GNA14: variants seen among roughly 807,000 people sequenced by gnomAD.
GNA14 encodes G protein subunit alpha 14.
Under a neutral mutation model 42.0 loss-of-function variants are expected in GNA14, and 50 were observed. That is an observed-to-expected ratio of 1.19 (90% confidence interval 0.95 to 1.51). The LOEUF (loss-of-function observed/expected upper bound fraction) is 1.51. Ranked by LOEUF, GNA14 falls within the 40% of genes most tolerant of loss-of-function variation. GNA14 has a pLI of 0.00. For missense variants in GNA14, 473 were observed against 446.2 expected, an observed-to-expected ratio of 1.06 and a Z score of -0.54; for synonymous variants, 173 against 163.1, an observed-to-expected ratio of 1.06 and a Z score of -0.46.
intron 1 of GNA14, among the ~76,000 whole-genome samples, chr9:77,597,620 A>C (rs1031263748): frequency 2.6e-5 from 4 of 151,606 alleles, no homozygotes; most frequent in Non-Finnish European, 4.4e-5. Context: ...GTGCAAAAGT[A>C]ATTGCGGTTT....
chr9:77,633,525 A>G (rs894451314), intron 1 of GNA14, among the ~76,000 whole-genome samples: 1 of 152,212 alleles, frequency 6.6e-6, no homozygotes, highest in Non-Finnish European at 1.5e-5. Flanking sequence ...TCTAAGCAGA[A>G]AAACAACAAT....
intron 1 of GNA14, among the ~76,000 whole-genome samples, chr9:77,594,338 A>T (rs1029051866): frequency 1.3e-5 from 2 of 152,222 alleles, no homozygotes; most frequent in Admixed American, 6.5e-5. Flanking sequence ...CAGGGCAGAC[A>T]CTTCAAAAGC....
intron 3 of GNA14, among the ~76,000 whole-genome samples, chr9:77,432,318 C>T (rs1835569732): frequency 6.6e-6 from 1 of 152,174 alleles, no homozygotes; most frequent in Non-Finnish European, 1.5e-5. Flanking sequence ...CACCGTATGC[C>T]TTCAGCTCCA....
intron 1 of GNA14, among the ~76,000 whole-genome samples, chr9:77,529,463 A>C (rs867432988): frequency 2.0e-5 from 3 of 152,146 alleles, no homozygotes; most frequent in Non-Finnish European, 4.4e-5. Flanking sequence ...AGTCCAGGGA[A>C]ATGCTTCCCC....
At chr9:77,482,827 T>C (rs1836581157) in intron 2 of GNA14, among the ~76,000 whole-genome samples, 3 of 151,876 alleles carry the variant, frequency 2.0e-5, no homozygotes. Context: ...ACTGATACCC[T>C]TTTTTCCAAT....
At chr9:77,551,898 G>A (rs1319500642) in intron 1 of GNA14, among the ~76,000 whole-genome samples, 1 of 151,924 alleles carries the variant, frequency 6.6e-6, no homozygotes, top group African/African-American at 2.4e-5. Flanking sequence ...CCAGTACTTT[G>A]GGAGGCCGAG....
At chr9:77,538,459 G>T (rs1473791472) in intron 1 of GNA14, among the ~76,000 whole-genome samples, 1 of 151,752 alleles carries the variant, frequency 6.6e-6, no homozygotes, top group Non-Finnish European at 1.5e-5. Context: ...TTTTTCTCAT[G>T]CCGTGAAATA....
chr9:77,498,886 C>CT (rs1214500133), intron 2 of GNA14, among the ~76,000 whole-genome samples: 1 of 152,166 alleles, frequency 6.6e-6, no homozygotes, highest in Non-Finnish European at 1.5e-5. Context: ...CTCTGTACTC[C>CT]TTCACCTTTC....
At chr9:77,446,639 G>A (rs1283289178) in intron 2 of GNA14, among the ~76,000 whole-genome samples, 1 of 152,122 alleles carries the variant, frequency 6.6e-6, no homozygotes, top group African/African-American at 2.4e-5. Flanking sequence ...AGAAGGGGTG[G>A]GGGGAGATGC....
intron 1 of GNA14, among the ~76,000 whole-genome samples, chr9:77,542,693 TC>T (rs1248032689): frequency 6.6e-6 from 1 of 152,188 alleles, no homozygotes. Context: ...GGAGTGCCAG[TC>T]CCCTGGCCTT....
intron 1 of GNA14, among the ~76,000 whole-genome samples, chr9:77,556,426 G>A (rs1358248250): frequency 6.6e-6 from 1 of 152,108 alleles, no homozygotes; most frequent in Non-Finnish European, 1.5e-5. Context: ...ATCCATTCCT[G>A]ACCACTGAAC....
At chr9:77,506,538 T>G (rs1170121544) in intron 2 of GNA14, among the ~76,000 whole-genome samples, 2 of 151,636 alleles carry the variant, frequency 1.3e-5, no homozygotes, top group Admixed American at 6.6e-5. Context: ...TTAGCTGGGC[T>G]TGGTGGCACA....
chr9:77,518,842 A>G (rs764598892), intron 2 of GNA14, among the ~76,000 whole-genome samples: 21 of 152,210 alleles, frequency 1.4e-4, no homozygotes, highest in Non-Finnish European at 2.6e-4. Flanking sequence ...TACAGATGCC[A>G]TTTTTTTAAA....
At chr9:77,631,371 G>C (rs1824097599) in intron 1 of GNA14, among the ~76,000 whole-genome samples, 1 of 151,662 alleles carries the variant, frequency 6.6e-6, no homozygotes, top group Non-Finnish European at 1.5e-5. Context: ...TATTTAGCTG[G>C]GTATCCATGT....
chr9:77,432,470 G>A lies in GNA14; in HGVS notation c.465-1021C>T, dbSNP rs1835572411. ...TGCTCCACCAGACTGTATATTCCCT[G>A]AGAGCAGAGAGCACTGGTTGTATAA... On this transcript the variant is annotated intron_variant, in intron 3 of 6. Transcript: ENST00000341700. 2.6e-5 allele frequency among the ~76,000 whole-genome samples: 4 copies of A among 152,298 alleles called. No homozygotes were observed. The South Asian group carries it at 8.3e-4, about 32-fold the overall frequency.
intron 1 of GNA14, among the ~76,000 whole-genome samples, chr9:77,585,638 T>C (rs575244702): frequency 7.2e-5 from 11 of 152,218 alleles, no homozygotes; most frequent in Non-Finnish European, 1.5e-4. Context: ...TATGCCTCTG[T>C]AGGTATGGAG....
At chr9:77,460,446 C>T (rs1468266981) in intron 2 of GNA14, among the ~76,000 whole-genome samples, 1 of 152,234 alleles carries the variant, frequency 6.6e-6, no homozygotes, top group East Asian at 1.9e-4. Flanking sequence ...GACTGCTGGC[C>T]TCCTGACCTC....
chr9:77,555,365 G>A (rs1822758412), intron 1 of GNA14, among the ~76,000 whole-genome samples: 1 of 152,070 alleles, frequency 6.6e-6, no homozygotes, highest in South Asian at 2.1e-4. Context: ...AAATTAGCTG[G>A]GCGTGGTGGC....
intron 1 of GNA14, 132 bp downstream of exon 1, chr9:77,647,538 T>G: frequency 9.7e-7 from 1 of 1,027,438 alleles, no homozygotes. Context: ...ATCCGTGAGC[T>G]CCGAGGGGGA....
Sources: gnomAD v4.1 joint callset for allele counts (sites outside exome capture counted in the v4.1 genomes callset) on GRCh38, gnomAD v4.1.1 for gene constraint, MANE v1.5 for transcripts, NCBI Gene and HGNC (gene_info 2026-07-23, HGNC 2026-07-21) for gene names.